ZNF438: variants seen among roughly 807,000 people sequenced by gnomAD.
ZNF438 encodes zinc finger protein 438.
ZNF438 carries 25 observed loss-of-function variants against 38.0 expected under a neutral mutation model. The ratio of observed to expected loss-of-function variants is 0.66; its 90% confidence interval spans 0.48 to 0.92. ZNF438 has a LOEUF of 0.92. Ranked by LOEUF, ZNF438 falls within the 40% of genes least tolerant of loss-of-function variation. The pLI is 0.00. For synonymous variants in ZNF438, 372 were observed against 364.1 expected, an observed-to-expected ratio of 1.02 and a Z score of -0.25; for missense variants, 1,007 against 999.6, an observed-to-expected ratio of 1.01 and a Z score of -0.10.
intron 1 of ZNF438, among the ~76,000 whole-genome samples, chr10:30,981,539 T>C (rs2052144658): frequency 1.3e-5 from 2 of 152,098 alleles, no homozygotes; most frequent in Admixed American, 1.3e-4. Flanking sequence ...TCATAGGTAA[T>C]TATGAAGATT....
chr10:30,975,743 ATAAG>A (rs1434311389), intron 1 of ZNF438, among the ~76,000 whole-genome samples: 3 of 152,236 alleles, frequency 2.0e-5, no homozygotes, highest in Non-Finnish European at 4.4e-5. Flanking sequence ...AATCAAAATA[ATAAG>A]TAATAGGATA....
chr10:31,024,216 T>C (rs1019995193), intron 1 of ZNF438, among the ~76,000 whole-genome samples: 6 of 152,250 alleles, frequency 3.9e-5, no homozygotes, highest in African/African-American at 1.2e-4. Flanking sequence ...TGGCACTGAA[T>C]AGGTTATTTA....
intron 1 of ZNF438, among the ~76,000 whole-genome samples, chr10:31,003,136 G>C (rs60747266): frequency 1.3e-5 from 2 of 152,086 alleles, no homozygotes; most frequent in Non-Finnish European, 1.5e-5. Flanking sequence ...GCACACTATT[G>C]CAAGTCTTGA....
intron 3 of ZNF438, among the ~76,000 whole-genome samples, chr10:30,889,721 G>A (rs898749251): frequency 6.6e-6 from 1 of 152,132 alleles, no homozygotes; most frequent in Non-Finnish European, 1.5e-5. Flanking sequence ...ACATATTTCT[G>A]AATGTCAGTC....
intron 3 of ZNF438, among the ~76,000 whole-genome samples, chr10:30,878,981 T>C (rs1189073826): frequency 6.6e-6 from 1 of 152,004 alleles, no homozygotes; most frequent in Non-Finnish European, 1.5e-5. Flanking sequence ...TGAGCCCTAT[T>C]GAAACAACTG....
intron 1 of ZNF438, among the ~76,000 whole-genome samples, chr10:31,001,079 G>A (rs1367126903): frequency 6.6e-6 from 1 of 152,058 alleles, no homozygotes; most frequent in Non-Finnish European, 1.5e-5. Context: ...ACAACCCATT[G>A]CACTCATTAC....
At chr10:30,910,538 AAG>A (rs2042971833) in intron 2 of ZNF438, 2 of 152,154 alleles carry the variant, frequency 1.3e-5, no homozygotes, top group Non-Finnish European at 2.9e-5. Context: ...GGTCAGTATG[AAG>A]AGAGTCTCAG....
At chr10:30,931,608 G>A (rs902258848) in intron 2 of ZNF438, among the ~76,000 whole-genome samples, 4 of 152,124 alleles carry the variant, frequency 2.6e-5, no homozygotes, top group African/African-American at 9.7e-5. Context: ...TTTGACTTTA[G>A]TTGAATATTC....
chr10:30,896,870 A>T (rs577789671), intron 3 of ZNF438, among the ~76,000 whole-genome samples: 78 of 152,318 alleles, frequency 5.1e-4, no homozygotes, highest in African/African-American at 1.8e-3. Flanking sequence ...AGTAAATGTG[A>T]TCATAGTACT....
chr10:30,948,596 G>A (rs1354743802), intron 1 of ZNF438, among the ~76,000 whole-genome samples: 1 of 149,890 alleles, frequency 6.7e-6, no homozygotes, highest in African/African-American at 2.4e-5. Flanking sequence ...AGAACTACGT[G>A]AAGAATGCAG....
At chr10:31,002,443 T>C (rs2054751198) in intron 1 of ZNF438, among the ~76,000 whole-genome samples, 2 of 152,210 alleles carry the variant, frequency 1.3e-5, no homozygotes, top group African/African-American at 4.8e-5. Context: ...ATTTTATATG[T>C]TCAAAACTAT....
At chr10:31,025,817 C>A (rs2056900091) in intron 1 of ZNF438, among the ~76,000 whole-genome samples, 1 of 151,822 alleles carries the variant, frequency 6.6e-6, no homozygotes. Context: ...TGAAATGAAG[C>A]AAAAATAAGT....
chr10:30,949,335 G>A (rs2047866826), intron 1 of ZNF438, among the ~76,000 whole-genome samples: 1 of 152,138 alleles, frequency 6.6e-6, no homozygotes, highest in South Asian at 2.1e-4. Context: ...CGAAGAAACT[G>A]CATCAACTAA....
chr10:30,968,112 T>C (rs1237532955), intron 1 of ZNF438, among the ~76,000 whole-genome samples: 1 of 152,184 alleles, frequency 6.6e-6, no homozygotes, highest in African/African-American at 2.4e-5. Context: ...TTGCTACATA[T>C]GTACTATATC....
At chr10:30,844,730 T>C (rs1216870522) in exon 6 of ZNF438, 1 of 486,774 alleles carries the variant, frequency 2.1e-6, no homozygotes, top group Non-Finnish European at 3.6e-6. Context: ...GTCTAAGATA[T>C]TAAGAATCAG....
chr10:30,950,998 A>C (rs1412149261), intron 1 of ZNF438, among the ~76,000 whole-genome samples: 1 of 141,052 alleles, frequency 7.1e-6, no homozygotes, highest in East Asian at 2.0e-4. Flanking sequence ...AAAAATCCTC[A>C]ATAAAATACT....
intron 1 of ZNF438, among the ~76,000 whole-genome samples, chr10:30,949,505 C>T (rs1424584010): frequency 6.6e-6 from 1 of 152,138 alleles, no homozygotes; most frequent in East Asian, 1.9e-4. Flanking sequence ...TCAGGAAACC[C>T]ATCTCATGTG....
intron 4 of ZNF438, among the ~76,000 whole-genome samples, chr10:30,869,405 AG>A (rs1260443429): frequency 5.3e-5 from 8 of 150,482 alleles, no homozygotes; most frequent in Non-Finnish European, 7.4e-5. Flanking sequence ...AAGAAAAGAA[AG>A]AGGAAAGAAA....
chr10:30,903,191 C>G (rs1461678599), intron 3 of ZNF438, among the ~76,000 whole-genome samples: 1 of 152,208 alleles, frequency 6.6e-6, no homozygotes. Flanking sequence ...CTCCACACCT[C>G]CCCGCAAGCC....
Sources: allele counts gnomAD v4.1 joint callset (sites outside exome capture counted in the v4.1 genomes callset), GRCh38; gene constraint gnomAD v4.1.1; transcripts MANE v1.5; gene names NCBI Gene and HGNC (gene_info 2026-07-23, HGNC 2026-07-21).